The following PCDHGA8 variants were observed in gnomAD, a reference collection of about 807,000 sequenced individuals.
PCDHGA8 encodes the protein protocadherin gamma-A8.
PCDHGA8 carries 45 observed loss-of-function variants against 59.2 expected under a neutral mutation model. The ratio of observed to expected loss-of-function variants is 0.76; its 90% CI spans 0.60 to 0.98. The LOEUF is 0.98. Among genes scored for constraint, PCDHGA8 ranks in the 50% least tolerant of loss-of-function variants. The probability of loss-of-function intolerance (pLI) is 0.00; values close to 1 mark genes in which losing one functional copy is unlikely to be tolerated. For missense variants in PCDHGA8, 1,257 were observed against 1,196.2 expected (o/e 1.05, Z -0.75); for synonymous variants, 531 against 519.0 (o/e 1.02, Z -0.32).
At chr5:141,400,079 C>A in intron 1 of PCDHGA8, 1 of 1,614,042 alleles carries the variant, frequency 6.2e-7, no homozygotes, top group East Asian at 2.2e-5. Flanking sequence ...CCGCCACTCT[C>A]CGCCACCGCC....
Position 141,487,247 on chromosome 5 carries a change from T to C in PCDHGA8, c.2425-7560T>C. Reference sequence around the variant, plus strand: ...GGAAGGAGAATCTCGTCTAACCCTCTACTTGGCTGTGTCCCTAGTGGCAAT... The same window carrying C: ...GGAAGGAGAATCTCGTCTAACCCTCCACTTGGCTGTGTCCCTAGTGGCAAT... On this transcript the variant is annotated intron_variant, in intron 1 of 3. Transcript: ENST00000398604. This position sits in a 1 kb window ranked among gnomAD's most constrained non-coding sequence, Gnocchi z 5.0. 1 of 1,614,174 alleles carries C rather than the reference T, an allele frequency of 6.2e-7. No individual in the cohort carries two copies. The highest frequency in any genetic ancestry group is 1.3e-5 in the African/African-American group (1 of 75,048).
intron 1 of PCDHGA8, chr5:141,412,213 C>T (rs1467971455): frequency 6.6e-6 from 1 of 152,224 alleles, no homozygotes; most frequent in Non-Finnish European, 1.5e-5. Context: ...TTGACATAAA[C>T]ACTTACTTGT....
Position 141,477,114 on chromosome 5 carries a change from G to C in PCDHGA8, c.2425-17693G>C. ...AAAGACAAGGGCGCCAATCCCGAAG[G>C]AGCACATTGCAAAGTGTTGGTGGAG... is the stretch of plus-strand genomic sequence containing the variant. On this transcript the variant is annotated intron_variant, in intron 1 of 3. Coordinates refer to ENST00000398604, the MANE Select transcript of PCDHGA8 (RefSeq NM_032088.2). This position sits in a 1 kb window ranked among gnomAD's most constrained non-coding sequence, Gnocchi z 4.9. 4.3e-6 allele frequency: 7 copies of C among 1,614,234 alleles called. No homozygotes were observed. Among genetic ancestry groups the C allele is most frequent in the Non-Finnish European group, 5.9e-6 (7 of 1,180,046 alleles).
rs1589216611 is a variant in PCDHGA8, at chr5:141,394,066, A to T, written c.1253A>T (p.Tyr418Phe). ...KYLDRENVSI[Y>F]NITVMASDLG... is the part of the protein sequence containing the mutation. ...TTGGACCGAGAAAATGTCTCTATCTACAATATCACAGTGATGGCCTCAGAT... is the reference window on the plus strand; with the variant it reads ...TTGGACCGAGAAAATGTCTCTATCTTCAATATCACAGTGATGGCCTCAGAT... Residue 418 changes from tyrosine (Y) to phenylalanine (F), a missense_variant, in exon 1 of 4, where the codon TAC becomes TTC. Tyr to Phe is a conservative substitution (Grantham distance 22). Coordinates refer to ENST00000398604, the MANE Select transcript of PCDHGA8 (RefSeq NM_032088.2). 6.2e-7 allele frequency: 1 copy of T among 1,613,738 alleles called. No homozygotes were observed. Among genetic ancestry groups the T allele is most frequent in the Admixed American group, 1.7e-5 (1 of 59,974 alleles).
intron 1 of PCDHGA8, chr5:141,426,760 C>T (rs935248232): frequency 4.4e-6 from 2 of 456,284 alleles, no homozygotes; most frequent in African/African-American, 4.0e-5. Context: ...GCTATAGATG[C>T]AGATGTAGGG....
chr5:141,492,303 G>A (rs969991314), intron 1 of PCDHGA8, among the ~76,000 whole-genome samples: 1 of 152,202 alleles, frequency 6.6e-6, no homozygotes, highest in African/African-American at 2.4e-5. Context: ...GCGGACGCAC[G>A]CACGCACTCC....
In PCDHGA8 at chr5:141,415,732, T is replaced by C. The variant is rs1159160519; in HGVS notation, c.2424+20495T>C. 4 of 1,411,138 alleles carry C rather than the reference T, an allele frequency of 2.8e-6. No individual in the cohort carries two copies. In the South Asian group the frequency reaches 5.0e-5, roughly 18 times the overall value. The allele number at this position is 1,411,138 out of a possible 1,614,324, so 87.4% of individuals were successfully genotyped here. ...AACACTGATGAGTAGAATTTGATGT[T>C]TATTAAGGTTTTTTTTTTTTTTTTT... On this transcript the variant is annotated intron_variant, in intron 1 of 3. Coordinates refer to ENST00000398604, the MANE Select transcript of PCDHGA8 (RefSeq NM_032088.2).
At position 141,392,883 on chromosome 5, in the gene PCDHGA8, T is replaced by C; in HGVS notation, c.70T>C (p.Trp24Arg). 1 of 1,613,518 alleles carries C rather than the reference T, an allele frequency of 6.2e-7. No homozygotes were observed. Among genetic ancestry groups the C allele is most frequent in the Non-Finnish European group, 8.5e-7 (1 of 1,179,826 alleles). The change falls in exon 1 of 4, where the codon TGG (tryptophan) becomes CGG (arginine). Residue 24 changes from tryptophan to arginine, a missense_variant. Physicochemically the swap from Trp to Arg is moderately radical, Grantham distance 101. Coordinates refer to ENST00000398604, the MANE Select transcript of PCDHGA8 (RefSeq NM_032088.2). The part of the protein sequence containing the change: ...ILLCALLGTL[W>R]EIGRGQIRYS... ...GCTGTGCGCGCTGCTGGGAACGCTG[T>C]GGGAAATCGGGAGGGGACAGATTCG...
In PCDHGA8 at chr5:141,394,785, G is replaced by C; in HGVS notation, c.1972G>C (p.Val658Leu). The C allele has an allele frequency of 1.2e-6, 2 of 1,613,722 alleles. No individual in the cohort carries two copies. Among genetic ancestry groups the C allele is most frequent in the South Asian group, 2.2e-5 (2 of 91,092 alleles). ...DHGQPPLSAT[V>L]TLTVAVADSI... is the part of the protein sequence containing the mutation. Reference sequence around the variant, plus strand: ...TGGCCAGCCCCCTCTCTCCGCCACTGTCACGCTCACCGTAGCCGTGGCTGA... The same window carrying C: ...TGGCCAGCCCCCTCTCTCCGCCACTCTCACGCTCACCGTAGCCGTGGCTGA... Residue 658 changes from valine to leucine, a missense_variant, in exon 1 of 4, where the codon GTC (valine) becomes CTC (leucine). Transcript: ENST00000398604.
Position 141,431,363 on chromosome 5 carries a change from C to A in PCDHGA8, c.2424+36126C>A. ...ATTGGTGCTGAAACGCGCCCTGGAC[C>A]GCGAAGAAAAGGCTGCTCACCACCT... On this transcript the variant is annotated intron_variant, in intron 1 of 3. Transcript: ENST00000398604. The surrounding 1 kb of genome is among the most constrained non-coding windows in gnomAD (Gnocchi z 4.8). 1 of 1,614,024 alleles carries A rather than the reference C, an allele frequency of 6.2e-7. No homozygotes were observed. Among genetic ancestry groups the A allele is most frequent in the Non-Finnish European group, 8.5e-7 (1 of 1,180,028 alleles).
chr5:141,463,764 G>A (rs2099069094), intron 1 of PCDHGA8, among the ~76,000 whole-genome samples: 1 of 151,916 alleles, frequency 6.6e-6, no homozygotes. Flanking sequence ...TTCTCTTATG[G>A]GTTAGAATCC....
intron 1 of PCDHGA8, chr5:141,418,650 T>A (rs764145825): frequency 5.0e-6 from 8 of 1,613,898 alleles, no homozygotes; most frequent in South Asian, 2.2e-5. Flanking sequence ...ATCCTGAGAG[T>A]GAAGGCCACT....
intron 1 of PCDHGA8, among the ~76,000 whole-genome samples, chr5:141,469,304 C>T (rs890230691): frequency 2.0e-5 from 3 of 151,892 alleles, no homozygotes; most frequent in East Asian, 1.9e-4. Flanking sequence ...AGACTGGGCA[C>T]GATGGCTCAC....
At chr5:141,421,825 AG>A in intron 1 of PCDHGA8, 1 of 1,613,802 alleles carries the variant, frequency 6.2e-7, no homozygotes. Flanking sequence ...ACTGGAGGGA[AG>A]CCTGGACCGA....
chr5:141,510,898 T>G (rs1393880610), intron 3 of PCDHGA8, 49 bp from the exon 4 acceptor site: 1 of 1,613,278 alleles, frequency 6.2e-7, no homozygotes, highest in East Asian at 2.2e-5. Context: ...ACAGTGACTG[T>G]TGAGGACCCT....
chr5:141,399,865 C>T, intron 1 of PCDHGA8: 1 of 1,612,866 alleles, frequency 6.2e-7, no homozygotes, highest in African/African-American at 1.3e-5. Flanking sequence ...CGCTGCAGAG[C>T]CCGGCTACCT....
intron 1 of PCDHGA8, chr5:141,410,388 C>G (rs1312753736): frequency 6.2e-7 from 1 of 1,613,962 alleles, no homozygotes; most frequent in African/African-American, 1.3e-5. Flanking sequence ...TGCTTCCATC[C>G]TGGTCTCTGT....
intron 1 of PCDHGA8, chr5:141,399,551 T>C: frequency 6.2e-7 from 1 of 1,614,052 alleles, no homozygotes; most frequent in Non-Finnish European, 8.5e-7. Context: ...GCCTCGGACC[T>C]GGACTTGGGG....
rs2099698809 is a variant in PCDHGA8 at position 141,490,343 on chromosome 5, T to C, written c.2425-4464T>C. On this transcript the variant is annotated intron_variant, in intron 1 of 3. Transcript: ENST00000398604. This position sits in a 1 kb window ranked among gnomAD's most constrained non-coding sequence, Gnocchi z 5.4. ...CTAGAGAGCACACCAGTGGGCACAG[T>C]AGTGGGGTTGTTTAATGTGCGAGAC... The C allele has an allele frequency of 6.2e-7, 1 of 1,614,018 alleles. No individual in the cohort carries two copies. Among genetic ancestry groups the C allele is most frequent in the Admixed American group, 1.7e-5 (1 of 60,006 alleles).
Sources: gnomAD v4.1 joint callset for allele counts (sites outside exome capture counted in the v4.1 genomes callset) on GRCh38, gnomAD v4.1.1 for gene constraint, Gnocchi (gnomAD v3.1) non-coding constraint, MANE v1.5 for transcripts, NCBI Gene and HGNC (gene_info 2026-07-23, HGNC 2026-07-21) for gene names.